HECA: variants seen among roughly 807,000 people sequenced by gnomAD.
HECA encodes HECA ribonucleoprotein granule regulator.
A neutral mutation model predicts 37.6 loss-of-function variants in HECA; 13 were observed. The observed-to-expected ratio is 0.35, with a 90% CI of 0.23 to 0.55. HECA has a LOEUF of 0.55. Ranked by LOEUF, HECA falls within the 20% of genes least tolerant of loss-of-function variation. HECA has a pLI of 0.90. For missense variants in HECA, 527 were observed against 701.9 expected (o/e 0.75, Z 2.82); for synonymous variants, 307 against 291.5 (o/e 1.05, Z -0.54).
At chr6:139,167,541 TTG>T (rs1448370584) in intron 2 of HECA, among the ~76,000 whole-genome samples, 1 of 152,168 alleles carries the variant, frequency 6.6e-6, no homozygotes, top group Admixed American at 6.5e-5. Flanking sequence ...GCGGATAATT[TTG>T]TGTGTTCTGT....
At chr6:139,175,525 C>G (rs1044129337) in intron 3 of HECA, among the ~76,000 whole-genome samples, 2 of 152,178 alleles carry the variant, frequency 1.3e-5, no homozygotes, top group Non-Finnish European at 2.9e-5. Context: ...CCTCTGCACA[C>G]ACACACCGTG....
At position 139,180,368 on chromosome 6, in the gene HECA, A is replaced by G. The variant is rs967450622; in HGVS notation, c.*3263A>G. 1 of 152,632 alleles carries G rather than the reference A, an allele frequency of 6.6e-6. No individual in the cohort carries two copies. The highest frequency in any genetic ancestry group is 1.5e-5 in the Non-Finnish European group (1 of 68,034). 9.5% of individuals were successfully genotyped at this position (152,632 alleles called of 1,614,324 possible). ...CCTGCAAGACTGATGCTTAATACAC[A>G]GTCTGTTCTCCTGTGTCTAGGTCAG... is the stretch of plus-strand genomic sequence containing the variant. On this transcript the variant is annotated 3_prime_UTR_variant, in exon 4 of 4. Coordinates refer to ENST00000367658, the MANE Select transcript of HECA (RefSeq NM_016217.3).
chr6:139,135,866 T>C (rs975459600), intron 1 of HECA, among the ~76,000 whole-genome samples, 199 bp downstream of exon 1: 2 of 151,372 alleles, frequency 1.3e-5, no homozygotes, highest in Non-Finnish European at 3.0e-5. Flanking sequence ...CCCTGCCCGG[T>C]GTCCGCGCGG....
At chr6:139,171,273 T>C (rs985634222) in intron 2 of HECA, among the ~76,000 whole-genome samples, 2 of 152,078 alleles carry the variant, frequency 1.3e-5, no homozygotes, top group Admixed American at 1.3e-4. Context: ...CAACCAAATC[T>C]TGAGAGTACC....
At chr6:139,139,487 G>T (rs2114432419) in intron 1 of HECA, among the ~76,000 whole-genome samples, 1 of 152,352 alleles carries the variant, frequency 6.6e-6, no homozygotes, top group South Asian at 2.1e-4. Flanking sequence ...GAAATAGCCT[G>T]AGCAGAGATA....
At chr6:139,165,752 C>T (rs927541424) in intron 1 of HECA, among the ~76,000 whole-genome samples, 7 of 152,186 alleles carry the variant, frequency 4.6e-5, no homozygotes, top group African/African-American at 1.7e-4. Context: ...ATTCTACTTT[C>T]TGTCACCATG....
chr6:139,156,349 C>T (rs1307661829), intron 1 of HECA, among the ~76,000 whole-genome samples: 6 of 152,082 alleles, frequency 3.9e-5, no homozygotes, highest in Admixed American at 2.0e-4. Context: ...ACTACAGGCA[C>T]GTGCCACAAC....
intron 1 of HECA, among the ~76,000 whole-genome samples, chr6:139,163,352 CTTTT>C (rs60943037): frequency 3.5e-5 from 5 of 142,408 alleles, no homozygotes; most frequent in Middle Eastern, 3.4e-3. Flanking sequence ...GTTCTCCATT[CTTTT>C]TTTTTTTTTT....
At chr6:139,152,808 A>G (rs1434751694) in intron 1 of HECA, among the ~76,000 whole-genome samples, 9 of 152,204 alleles carry the variant, frequency 5.9e-5, no homozygotes, top group Non-Finnish European at 1.0e-4. Flanking sequence ...TTGAGTTTTC[A>G]TTTAAATAAT....
rs1775059269 is a variant in HECA, at chr6:139,176,895, T to C, written c.1468-46T>C. 1.2e-6 allele frequency: 1 copy of C among 842,108 alleles called. No homozygotes were observed. Among genetic ancestry groups the C allele is most frequent in the Non-Finnish European group, 2.1e-6 (1 of 479,474 alleles). The allele number at this position is 842,108 out of a possible 1,614,324, so 52.2% of individuals were successfully genotyped here. On this transcript the variant is annotated intron_variant, in intron 3 of 3. Coordinates refer to ENST00000367658, the MANE Select transcript of HECA (RefSeq NM_016217.3). This position sits in a 1 kb window ranked among gnomAD's most constrained non-coding sequence, Gnocchi z 4.5. ...TGGTTTGGATGACTTTGACAAGTGT[T>C]GGGAAGTGGAGGGGTGTTGTGGCTG...
In HECA at chr6:139,174,626, A is replaced by G. The variant is rs540897890; in HGVS notation, c.1467+87A>G. On this transcript the variant is annotated intron_variant, in intron 3 of 3. Transcript: ENST00000367658. ...GTAGGGAAGATGCGTCTGGCAATAA[A>G]GAAGAAATTCAGTCCAGCAATGATG... 3.9e-6 allele frequency: 6 copies of G among 1,537,428 alleles called. No individual in the cohort carries two copies. The African/African-American group carries it at 8.2e-5, about 21-fold the overall frequency.
rs367927843 is a variant in HECA, at chr6:139,167,062, C to T, written c.1050C>T (p.Ser350=). The T allele has an allele frequency of 2.6e-5, 42 of 1,614,060 alleles. No individual in the cohort carries two copies. In the African/African-American group the frequency reaches 4.4e-4, roughly 17 times the overall value. Residue 350 remains serine, a synonymous_variant, in exon 2 of 4, where the codon TCC becomes TCT. Transcript: ENST00000367658. ...PVQFLRRLDL[S]ELLTHIPRHK... ...AGTTCCTTCGGCGGCTGGACCTCTC[C>T]GAACTCCTCACTCACATCCCCAGGC...
chr6:139,167,270 C>A lies in HECA; in HGVS notation c.1258C>A (p.Leu420Ile), dbSNP rs927899185. Residue 420 changes from leucine (L) to isoleucine (I), a missense_variant, in exon 2 of 4, where the codon CTA (leucine) becomes ATA (isoleucine). Physicochemically the swap from Leu to Ile is conservative, Grantham distance 5. Around this residue, in one of 4 missense-constraint regions of HECA, gnomAD observed 106 missense variants for 193.4 expected, o/e 0.55. Transcript: ENST00000367658. ...CCCACTGGTGGATGGAACTTTGTTC[C>A]TAAGCCCGTCGAGACATGATGAGAT... ...QFPLVDGTLFLSPSRHDEIEY... is the reference protein window; with the variant it reads ...QFPLVDGTLFISPSRHDEIEY... 1 of 1,612,648 alleles carries A rather than the reference C, an allele frequency of 6.2e-7. No individual in the cohort carries two copies. The highest frequency in any genetic ancestry group is 8.5e-7 in the Non-Finnish European group (1 of 1,178,898).
Position 139,180,721 on chromosome 6 carries a change from T to G in HECA, c.*3616T>G, listed in dbSNP as rs1775123496. On this transcript the variant is annotated 3_prime_UTR_variant, in exon 4 of 4. Transcript: ENST00000367658. ...AGAATGTTGATAAAATTGAAACATT[T>G]GGTTGTGGAATTGTGTGTGGTTTTA... 6.6e-6 allele frequency: 1 copy of G among 152,632 alleles called. No homozygotes were observed. Among genetic ancestry groups the G allele is most frequent in the African/African-American group, 2.4e-5 (1 of 41,458 alleles). The allele number at this position is 152,632 out of a possible 1,614,324, so 9.5% of individuals were successfully genotyped here.
At chr6:139,157,320 C>T (rs1028531560) in intron 1 of HECA, among the ~76,000 whole-genome samples, 1 of 152,106 alleles carries the variant, frequency 6.6e-6, no homozygotes, top group African/African-American at 2.4e-5. Context: ...TGTTTTGTGC[C>T]AACCTCCTGT....
At chr6:139,154,399 A>G (rs1416042133) in intron 1 of HECA, among the ~76,000 whole-genome samples, 1 of 152,200 alleles carries the variant, frequency 6.6e-6, no homozygotes, top group East Asian at 1.9e-4. Context: ...AAAACTCTGG[A>G]CTGGTTTACT....
chr6:139,149,068 G>C (rs1034604331), intron 1 of HECA, among the ~76,000 whole-genome samples: 4 of 152,120 alleles, frequency 2.6e-5, no homozygotes, highest in Non-Finnish European at 5.9e-5. Context: ...TGAATCATAA[G>C]AAAGTTCTCA....
intron 1 of HECA, among the ~76,000 whole-genome samples, chr6:139,146,187 C>T (rs1774581595): frequency 6.6e-6 from 1 of 152,060 alleles, no homozygotes. Flanking sequence ...AAGATTTATT[C>T]CTTCATAACA....
chr6:139,139,256 A>C (rs1412471727), intron 1 of HECA, among the ~76,000 whole-genome samples: 1 of 152,216 alleles, frequency 6.6e-6, no homozygotes, highest in East Asian at 1.9e-4. Flanking sequence ...TTCTCAAATT[A>C]CTTGTCAAAT....
Sources: allele counts gnomAD v4.1 joint callset (sites outside exome capture counted in the v4.1 genomes callset), GRCh38; gene constraint gnomAD v4.1.1; regional missense constraint gnomAD v4.1.1; non-coding constraint Gnocchi (gnomAD v3.1); transcripts MANE v1.5; gene names NCBI Gene and HGNC (gene_info 2026-07-23, HGNC 2026-07-21).